The following STAB2 variants were observed in gnomAD, a reference collection of about 807,000 sequenced individuals.
STAB2 encodes stabilin 2, also known as stabilin-2.
A neutral mutation model predicts 338.1 loss-of-function variants in STAB2; 288 were observed. The ratio of observed to expected loss-of-function variants is 0.85; its 90% CI spans 0.77 to 0.94. STAB2 has a LOEUF of 0.94. STAB2 is among the 40% of genes least tolerant of loss of function. The probability of loss-of-function intolerance (pLI) is 0.00; values close to 1 mark genes in which losing one functional copy is unlikely to be tolerated. For synonymous variants in STAB2, 1,202 were observed against 1,193.3 expected, an observed-to-expected ratio of 1.01 and a Z score of -0.15; for missense variants, 3,141 against 3,210.1, an observed-to-expected ratio of 0.98 and a Z score of 0.52.
chr12:103,683,383 C>A lies in STAB2; in HGVS notation c.2901+83C>A, dbSNP rs913159629. Reference sequence around the variant, plus strand: ...GAAAGAAAGATTATTTCCTGTCTGGCCTAGTGATGAACAAAATCTCTTACC... The same window carrying A: ...GAAAGAAAGATTATTTCCTGTCTGGACTAGTGATGAACAAAATCTCTTACC... On this transcript the variant is annotated intron_variant, in intron 26 of 68. Transcript: ENST00000388887. 6.7e-5 allele frequency: 86 copies of A among 1,276,304 alleles called. 1 individual carries two copies. The highest frequency in any genetic ancestry group is 9.0e-5 in the Non-Finnish European group (84 of 928,548). 79.1% of individuals were successfully genotyped at this position (1,276,304 alleles called of 1,614,324 possible). A position where few individuals can be genotyped will look rare whatever the true frequency, so the allele number is the denominator to read the frequency against.
chr12:103,758,012 C>T, intron 63 of STAB2, 158 bp from the exon 64 acceptor site: 4 of 1,070,998 alleles, frequency 3.7e-6, no homozygotes, highest in Non-Finnish European at 5.3e-6. Flanking sequence ...CTCAAACTCT[C>T]CCACGGCGCA....
chr12:103,666,426 C>T, intron 19 of STAB2, 73 bp downstream of exon 19: 1 of 1,482,300 alleles, frequency 6.7e-7, no homozygotes, highest in East Asian at 2.3e-5. Context: ...AACCTATCTA[C>T]CTTCCTTCTT....
At position 103,673,970 on chromosome 12, in the gene STAB2, G is replaced by A. The variant is rs372454690; in HGVS notation, c.2435G>A (p.Gly812Asp). ...GACAGCGATGGGGCCTGCCTCACTG[G>A]CACATGCAGAGACGGCTCTGCCGGG... is the stretch of plus-strand genomic sequence containing the variant. ...RIDSDGACLT[G>D]TCRDGSAGRL... Residue 812 changes from glycine to aspartate, a missense_variant, in exon 23 of 69, where the codon GGC becomes GAC. Gly to Asp is a moderately conservative substitution (Grantham distance 94, BLOSUM62 -1). Coordinates refer to ENST00000388887, the MANE Select transcript of STAB2 (RefSeq NM_017564.10). 4 of 1,614,092 alleles carry A rather than the reference G, an allele frequency of 2.5e-6. No individual in the cohort carries two copies. Among genetic ancestry groups the A allele is most frequent in the Non-Finnish European group, 3.4e-6 (4 of 1,180,014 alleles).
At chr12:103,705,816 T>G in intron 37 of STAB2, 89 bp downstream of exon 37, 1 of 1,249,378 alleles carries the variant, frequency 8.0e-7, no homozygotes, top group Non-Finnish European at 1.2e-6. Flanking sequence ...CCTGTGCAGG[T>G]ATGCTTTCTG....
intron 42 of STAB2, among the ~76,000 whole-genome samples, chr12:103,714,426 G>A (rs893994141): frequency 3.3e-5 from 5 of 152,076 alleles, no homozygotes; most frequent in Non-Finnish European, 5.9e-5. Context: ...CTGGCTGGGC[G>A]CAGTGGCTCA....
rs377677225 is a variant in STAB2 at position 103,665,445 on chromosome 12, T to C, written c.2023-846T>C. Among the ~76,000 whole-genome samples the C allele has an allele frequency of 2.0e-5, 3 of 152,124 alleles. No homozygotes were observed. In the South Asian group the frequency reaches 6.2e-4, roughly 32 times the overall value. ...GTGTGGACAGGGCTAAGGAAACGAATAAGTTTTGCTGGAGCTTTGAGGGAG... is the reference window on the plus strand; with the variant it reads ...GTGTGGACAGGGCTAAGGAAACGAACAAGTTTTGCTGGAGCTTTGAGGGAG... On this transcript the variant is annotated intron_variant, in intron 18 of 68. Transcript: ENST00000388887.
In STAB2 at chr12:103,591,367, C is replaced by T. The variant is rs189996549; in HGVS notation, c.215+337C>T. On this transcript the variant is annotated intron_variant, in intron 2 of 68. Coordinates refer to ENST00000388887, the MANE Select transcript of STAB2 (RefSeq NM_017564.10). ...AGGCCTGGTGGCACCTGCCTGTAAT[C>T]CCAGCTACTCAGGAGCTTGAGGCAC... 1.4e-3 allele frequency among the ~76,000 whole-genome samples: 211 copies of T among 152,142 alleles called. 1 individual carries two copies. The highest frequency in any genetic ancestry group is 6.8e-3 in the Middle Eastern group (2 of 294).
In STAB2 at chr12:103,713,706, C is replaced by A. The variant is rs748368744; in HGVS notation, c.4475C>A (p.Thr1492Asn). Residue 1492 changes from threonine (T) to asparagine (N), a missense_variant, in exon 42 of 69, where the codon ACC becomes AAC. By Grantham distance (65) the Thr-to-Asn change is moderately conservative. Coordinates refer to ENST00000388887, the MANE Select transcript of STAB2 (RefSeq NM_017564.10). Reference protein sequence around the residue: ...CSAKADCKRTTPGRRVCTCKA... With the variant: ...CSAKADCKRTNPGRRVCTCKA... ...GCCAAGGCTGACTGTAAGAGAACCA[C>A]CCCAGGAAGGCGAGTGTGCACGTGC... 2.5e-6 allele frequency: 4 copies of A among 1,614,086 alleles called. No homozygotes were observed. In the East Asian group the frequency reaches 8.9e-5, roughly 36 times the overall value.
At chr12:103,713,867 T>C in intron 42 of STAB2, 99 bp downstream of exon 42, 1 of 1,542,866 alleles carries the variant, frequency 6.5e-7, no homozygotes, top group Non-Finnish European at 8.8e-7. Flanking sequence ...GACACAAAAC[T>C]GAGGTCAGTA....
At position 103,637,105 on chromosome 12, in the gene STAB2, A is replaced by G. The variant is rs370338110; in HGVS notation, c.584-6A>G. ...ATGCAAGTACTTCAACAATTTTCCT[A>G]TGCAGCCATCCCTGAATGTGCAGCC... On this transcript the variant is annotated splice_region_variant and splice_polypyrimidine_tract_variant and intron_variant, in intron 6 of 68. Coordinates refer to ENST00000388887, the MANE Select transcript of STAB2 (RefSeq NM_017564.10). The G allele has an allele frequency of 1.3e-4, 200 of 1,596,482 alleles. 1 individual carries two copies. In the African/African-American group the frequency reaches 2.3e-3, roughly 19 times the overall value.
At chr12:103,712,273 G>T in intron 40 of STAB2, 94 bp from the exon 41 acceptor site, 1 of 954,224 alleles carries the variant, frequency 1.0e-6, no homozygotes, top group Non-Finnish European at 1.7e-6. Context: ...ATGGGGGCAG[G>T]GGCCAGGATA....
intron 56 of STAB2, among the ~76,000 whole-genome samples, chr12:103,743,023 CTTTT>C (rs34478982): frequency 1.5e-5 from 2 of 134,728 alleles, no homozygotes; most frequent in South Asian, 2.3e-4. Context: ...ATTTTTTTTT[CTTTT>C]TTTTTTTTTT....
intron 48 of STAB2, among the ~76,000 whole-genome samples, chr12:103,729,410 T>C (rs930937335): frequency 9.2e-5 from 14 of 152,332 alleles, no homozygotes; most frequent in African/African-American, 2.9e-4. Context: ...CTTTCTCTTT[T>C]TTTCCTTAAA....
Position 103,670,696 on chromosome 12 carries a change from T to C in STAB2, c.2260T>C (p.Cys754Arg). 1 of 1,613,662 alleles carries C rather than the reference T, an allele frequency of 6.2e-7. No individual in the cohort carries two copies. Among genetic ancestry groups the C allele is most frequent in the South Asian group, 1.1e-5 (1 of 90,970 alleles). Reference protein sequence around the residue: ...FSNPCSGNGQCADSLGGNGTC... With the variant: ...FSNPCSGNGQRADSLGGNGTC... Reference sequence around the variant, plus strand: ...CCATGGGCCCTGCCTTTGCTCCCAGTGTGCAGATAGCCTCGGCGGCAACGG... The same window carrying C: ...CCATGGGCCCTGCCTTTGCTCCCAGCGTGCAGATAGCCTCGGCGGCAACGG... The change falls in exon 22 of 69, where the codon TGT (cysteine) becomes CGT (arginine). Residue 754 changes from cysteine to arginine, a missense_variant and splice_region_variant. Physicochemically the swap from Cys to Arg is radical, Grantham distance 180. Transcript: ENST00000388887.
Position 103,705,561 on chromosome 12 carries a change from C to T in STAB2, c.3901-71C>T. ...CAGAGAGACAGCAATGCATCACCCA[C>T]CTACTTGCTTTCGGAGACTGGAAAA... On this transcript the variant is annotated intron_variant, in intron 36 of 68. Coordinates refer to ENST00000388887, the MANE Select transcript of STAB2 (RefSeq NM_017564.10). The T allele has an allele frequency of 5.3e-6, 7 of 1,309,776 alleles. No individual in the cohort carries two copies. In the South Asian group the frequency reaches 8.6e-5, roughly 16 times the overall value. The allele number at this position is 1,309,776 out of a possible 1,614,324, so 81.1% of individuals were successfully genotyped here.
At chr12:103,756,518 A>G (rs1193234683) in intron 63 of STAB2, among the ~76,000 whole-genome samples, 1 of 152,222 alleles carries the variant, frequency 6.6e-6, no homozygotes, top group Non-Finnish European at 1.5e-5. Context: ...CTGCAACTGT[A>G]TAAGGCCACT....
intron 40 of STAB2, 80 bp downstream of exon 40, chr12:103,711,596 A>C: frequency 6.6e-7 from 1 of 1,506,358 alleles, no homozygotes; most frequent in Non-Finnish European, 9.1e-7. Context: ...CTCTATCCTC[A>C]GGGGATTTGT....
intron 10 of STAB2, 108 bp from the exon 11 acceptor site, chr12:103,650,388 G>A: frequency 1.3e-6 from 1 of 787,378 alleles, no homozygotes. Context: ...GAATAGAGAA[G>A]GGCATAAATG....
intron 68 of STAB2, among the ~76,000 whole-genome samples, chr12:103,764,949 G>T (rs1334987553): frequency 7.6e-6 from 1 of 131,408 alleles, no homozygotes; most frequent in Non-Finnish European, 1.7e-5. Flanking sequence ...TTAGGCAGGA[G>T]CGGTGGTGCC....
Sources: gnomAD v4.1 joint callset for allele counts (sites outside exome capture counted in the v4.1 genomes callset) on GRCh38, gnomAD v4.1.1 for gene constraint, MANE v1.5 for transcripts, NCBI Gene and HGNC (gene_info 2026-07-23, HGNC 2026-07-21) for gene names.